Variants in SLA observed in about 807,000 individuals in gnomAD.
SLA encodes the protein src-like-adapter.
A neutral mutation model predicts 30.3 loss-of-function variants in SLA; 16 were observed. The ratio of observed to expected loss-of-function variants is 0.53; its 90% CI spans 0.36 to 0.80. The LOEUF (loss-of-function observed/expected upper bound fraction) is 0.80. Among genes scored for constraint, SLA ranks in the 30% least tolerant of loss-of-function variants. The pLI is 0.01. For synonymous variants in SLA, 143 were observed against 137.8 expected, an observed-to-expected ratio of 1.04 and a Z score of -0.26; for missense variants, 310 against 345.2, an observed-to-expected ratio of 0.90 and a Z score of 0.81.
intron 1 of SLA, among the ~76,000 whole-genome samples, chr8:133,083,353 A>G (rs1009588572): frequency 6.6e-6 from 1 of 152,106 alleles, no homozygotes; most frequent in African/African-American, 2.4e-5. Context: ...AACTTGAAAC[A>G]TGTATGCACT....
intron 1 of SLA, among the ~76,000 whole-genome samples, chr8:133,092,192 C>G (rs1000444694): frequency 6.6e-6 from 1 of 152,156 alleles, no homozygotes; most frequent in African/African-American, 2.4e-5. Flanking sequence ...GTGAGTGTGT[C>G]TCCATCTGTG....
At chr8:133,076,667 C>T (rs1844914567) in intron 1 of SLA, 1 of 149,348 alleles carries the variant, frequency 6.7e-6, no homozygotes, top group African/African-American at 2.5e-5. Flanking sequence ...AAGAAAGAAT[C>T]TAGTACAGAT....
chr8:133,073,490 T>G (rs1844386793), intron 2 of SLA, among the ~76,000 whole-genome samples: 1 of 152,078 alleles, frequency 6.6e-6, no homozygotes, highest in Non-Finnish European at 1.5e-5. Context: ...GCCTCCCGAG[T>G]AGCTGGGATT....
chr8:133,060,499 T>G (rs1842217236), intron 2 of SLA: 2 of 766,644 alleles, frequency 2.6e-6, no homozygotes, highest in South Asian at 3.7e-5. Flanking sequence ...CACAGCAGGG[T>G]TTGTGTGAGA....
chr8:133,049,526 T>G (rs1840036822), intron 5 of SLA: 1 of 292,600 alleles, frequency 3.4e-6, no homozygotes, highest in African/African-American at 2.2e-5. Context: ...ATAAAAAGCT[T>G]GTTCACTGGC....
chr8:133,063,505 A>T (rs985132876), intron 2 of SLA: 8 of 143,046 alleles, frequency 5.6e-5, no homozygotes, highest in Admixed American at 1.4e-4. Context: ...AATCCACTAC[A>T]GAAAAAAAAA....
Position 133,060,184 on chromosome 8 carries a change from CTGG to C in SLA, c.-27_-25del, listed in dbSNP as rs1842164658. 6.2e-7 allele frequency: 1 copy of C among 1,612,988 alleles called. No homozygotes were observed. The highest frequency in any genetic ancestry group is 8.5e-7 in the Non-Finnish European group (1 of 1,179,616). ...ATTTCTTTCTTTTTCCCTGGGGCCGCTGGTGATGCCCAGAGCCTGTGGTATAGG... is the reference window on the plus strand; with the variant it reads ...ATTTCTTTCTTTTTCCCTGGGGCCGCTGATGCCCAGAGCCTGTGGTATAGG... On this transcript the variant is annotated 5_prime_UTR_variant, in exon 3 of 9. Transcript: ENST00000338087.
chr8:133,048,294 C>T (rs1839837947), intron 5 of SLA, among the ~76,000 whole-genome samples: 1 of 152,076 alleles, frequency 6.6e-6, no homozygotes, highest in Non-Finnish European at 1.5e-5. Flanking sequence ...GACCTTGGTT[C>T]ACTGCATCCT....
At chr8:133,057,374 T>C (rs1280453019) in intron 3 of SLA, among the ~76,000 whole-genome samples, 1 of 152,172 alleles carries the variant, frequency 6.6e-6, no homozygotes, top group Non-Finnish European at 1.5e-5. Context: ...GTAGAGAAAA[T>C]GAACACTTTG....
At chr8:133,095,765 C>G (rs1212203052) in intron 1 of SLA, among the ~76,000 whole-genome samples, 1 of 152,214 alleles carries the variant, frequency 6.6e-6, no homozygotes. Context: ...AATTGATGGC[C>G]TGATCGCCTT....
chr8:133,090,892 G>C (rs972827968), intron 1 of SLA, among the ~76,000 whole-genome samples: 1 of 152,082 alleles, frequency 6.6e-6, no homozygotes, highest in African/African-American at 2.4e-5. Context: ...GGAACAGAAA[G>C]GAACTGTCTG....
At chr8:133,084,373 T>G (rs1332705127) in intron 1 of SLA, among the ~76,000 whole-genome samples, 2 of 152,120 alleles carry the variant, frequency 1.3e-5, no homozygotes, top group Non-Finnish European at 2.9e-5. Flanking sequence ...AAAGGAAACA[T>G]ATGCCCATGT....
At chr8:133,087,069 TTTACAC>T (rs1846680566) in intron 1 of SLA, among the ~76,000 whole-genome samples, 1 of 124,336 alleles carries the variant, frequency 8.0e-6, no homozygotes, top group African/African-American at 3.2e-5. Context: ...TGAATATATG[TTTACAC>T]ACACACACAC....
At chr8:133,055,454 C>G (rs75666239) in intron 3 of SLA, among the ~76,000 whole-genome samples, 57 of 151,998 alleles carry the variant, frequency 3.8e-4, no homozygotes, top group African/African-American at 1.4e-3. Context: ...GACCATCTAG[C>G]CTGGTAGAAG....
chr8:133,039,656 C>T (rs1253638888), intron 8 of SLA, among the ~76,000 whole-genome samples: 2 of 152,138 alleles, frequency 1.3e-5, no homozygotes, highest in Non-Finnish European at 2.9e-5. Flanking sequence ...TAAATTTACA[C>T]AGGATGTGTT....
chr8:133,067,238 C>T (rs1002516323), intron 2 of SLA, among the ~76,000 whole-genome samples: 8 of 152,198 alleles, frequency 5.3e-5, no homozygotes, highest in African/African-American at 1.9e-4. Context: ...CCGTGACCCA[C>T]ATAGTCCCCT....
rs142476625 is a variant in SLA at position 133,095,035 on chromosome 8, C to G, written c.-319+7518G>C. ...GAACCATCTGCCCTGAGCCTGCTTT[C>G]TCTTCCAGGGAGGCTCCGCACTCTC... On this transcript the variant is annotated intron_variant, in intron 1 of 8. Transcript: ENST00000338087. 2.9e-5 allele frequency: 46 copies of G among 1,613,226 alleles called. No homozygotes were observed. The highest frequency in any genetic ancestry group is 3.4e-5 in the Non-Finnish European group (40 of 1,180,000).
At chr8:133,056,034 C>A (rs1409764766) in intron 3 of SLA, among the ~76,000 whole-genome samples, 20 of 152,196 alleles carry the variant, frequency 1.3e-4, no homozygotes, top group Non-Finnish European at 8.8e-5. Flanking sequence ...CAAGAGCACA[C>A]ACCTAGGAAG....
At chr8:133,093,124 C>G (rs1285121898) in intron 1 of SLA, among the ~76,000 whole-genome samples, 64 of 71,892 alleles carry the variant, frequency 8.9e-4, no homozygotes, top group South Asian at 1.7e-3. Flanking sequence ...TGTGTGTTTT[C>G]TTTTCTTTTC....
Sources: gnomAD v4.1 joint callset for allele counts (sites outside exome capture counted in the v4.1 genomes callset) on GRCh38, gnomAD v4.1.1 for gene constraint, MANE v1.5 for transcripts, NCBI Gene and HGNC (gene_info 2026-07-23, HGNC 2026-07-21) for gene names.